Variants in SEMA3D observed in about 807,000 individuals in gnomAD.
The protein encoded by SEMA3D is semaphorin 3D.
SEMA3D carries 84 observed loss-of-function variants against 100.1 expected under a neutral mutation model. That is an observed-to-expected ratio of 0.84 (90% CI 0.70 to 1.01). The LOEUF (loss-of-function observed/expected upper bound fraction) is 1.01, where lower values mean the gene tolerates loss of function less well. Ranked by LOEUF, SEMA3D falls within the 50% of genes least tolerant of loss-of-function variation. SEMA3D has a pLI of 0.00. For missense variants in SEMA3D, 875 were observed against 934.1 expected, an observed-to-expected ratio of 0.94 and a Z score of 0.82; for synonymous variants, 312 against 320.7, an observed-to-expected ratio of 0.97 and a Z score of 0.29.
chr7:85,173,605 T>C (rs1791145251), intron 1 of SEMA3D, among the ~76,000 whole-genome samples: 1 of 152,008 alleles, frequency 6.6e-6, no homozygotes, highest in African/African-American at 2.4e-5. Context: ...ACGAATGGAG[T>C]GGGAATTCGA....
chr7:85,040,010 T>C (rs954668692), intron 11 of SEMA3D, among the ~76,000 whole-genome samples: 3 of 144,042 alleles, frequency 2.1e-5, no homozygotes, highest in East Asian at 4.1e-4. Flanking sequence ...AGGGTCTCGC[T>C]GTGTCACCCA....
At chr7:85,208,753 C>G in the SEMA3D span, among the ~76,000 whole-genome samples, 1 of 151,976 alleles carries the variant, frequency 6.6e-6, no homozygotes, top group African/African-American at 2.4e-5. Flanking sequence ...GTGGCAAAGA[C>G]AGTAGGTAAG....
At chr7:85,198,917 T>A in the SEMA3D span, among the ~76,000 whole-genome samples, 1 of 151,848 alleles carries the variant, frequency 6.6e-6, no homozygotes, top group East Asian at 1.9e-4. Flanking sequence ...TTTATTTGTA[T>A]TACTAAAAAT....
intron 12 of SEMA3D, among the ~76,000 whole-genome samples, chr7:85,027,492 A>T (rs758989022): frequency 2.0e-5 from 3 of 151,922 alleles, no homozygotes; most frequent in Non-Finnish European, 1.5e-5. Flanking sequence ...GCAGAGGGAG[A>T]GATATTTCAT....
chr7:85,088,002 A>T (rs1788276015), intron 4 of SEMA3D, among the ~76,000 whole-genome samples: 1 of 152,150 alleles, frequency 6.6e-6, no homozygotes. Context: ...TTTTTTATGT[A>T]AATATAGTGT....
At chr7:85,205,092 A>G in the SEMA3D span, among the ~76,000 whole-genome samples, 1 of 152,068 alleles carries the variant, frequency 6.6e-6, no homozygotes, top group African/African-American at 2.4e-5. Context: ...TCTTCTTTTG[A>G]GAAATGTCTA....
At chr7:85,182,190 C>G (rs999454372) in intron 1 of SEMA3D, among the ~76,000 whole-genome samples, 67 of 151,874 alleles carry the variant, frequency 4.4e-4, no homozygotes, top group African/African-American at 1.6e-3. Context: ...CCAAAAATTA[C>G]AAACAATTTT....
intron 12 of SEMA3D, chr7:85,028,118 T>C (rs1790442203): frequency 4.7e-6 from 3 of 638,916 alleles, no homozygotes; most frequent in South Asian, 4.5e-5. Flanking sequence ...TGGTAAATGA[T>C]GCTGGCAGGC....
intron 3 of SEMA3D, among the ~76,000 whole-genome samples, chr7:85,099,402 TGCCATGATTGCGAGGCCTCA>T (rs1385840166): frequency 1.3e-5 from 2 of 151,976 alleles, no homozygotes; most frequent in African/African-American, 4.8e-5. Context: ...TTTTGCCCTC[TGCCATGATTGCGAGGCCTCA>T]GCCATGTGGA....
At chr7:85,057,685 C>T (rs945912391) in intron 8 of SEMA3D, among the ~76,000 whole-genome samples, 5 of 152,138 alleles carry the variant, frequency 3.3e-5, no homozygotes, top group African/African-American at 1.2e-4. Flanking sequence ...ATAATCCCAG[C>T]ACTTTGGGAG....
chr7:85,176,815 G>GAA, intron 1 of SEMA3D, among the ~76,000 whole-genome samples: 1 of 151,016 alleles, frequency 6.6e-6, no homozygotes, highest in East Asian at 1.9e-4. Flanking sequence ...GAGAGAGAGA[G>GAA]AATTGACATT....
At chr7:85,200,738 T>TGATA in the SEMA3D span, among the ~76,000 whole-genome samples, 1 of 152,182 alleles carries the variant, frequency 6.6e-6, no homozygotes, top group Non-Finnish European at 1.5e-5. Flanking sequence ...CTCCAGGGCA[T>TGATA]GATAGAGGTC....
At chr7:85,145,796 A>C (rs1489091917) in intron 2 of SEMA3D, among the ~76,000 whole-genome samples, 1 of 152,164 alleles carries the variant, frequency 6.6e-6, no homozygotes, top group South Asian at 2.1e-4. Flanking sequence ...CTTGGATACC[A>C]AAATCTGCTG....
chr7:85,088,263 T>C (rs557485421), intron 4 of SEMA3D, among the ~76,000 whole-genome samples: 1 of 152,282 alleles, frequency 6.6e-6, no homozygotes, highest in East Asian at 1.9e-4. Flanking sequence ...TAAGACTTTA[T>C]AACAACATCC....
the SEMA3D span, among the ~76,000 whole-genome samples, chr7:85,219,488 T>G: frequency 6.6e-6 from 1 of 152,084 alleles, no homozygotes; most frequent in Non-Finnish European, 1.5e-5. Context: ...AATTCTATGG[T>G]TACTCTTTAT....
intron 1 of SEMA3D, among the ~76,000 whole-genome samples, chr7:85,185,374 A>G (rs1166907091): frequency 6.7e-6 from 1 of 149,404 alleles, no homozygotes; most frequent in African/African-American, 2.5e-5. Flanking sequence ...TAGCGCACAC[A>G]TGCAGGAGAA....
At chr7:85,141,369 T>G in intron 2 of SEMA3D, 1 of 984,578 alleles carries the variant, frequency 1.0e-6, no homozygotes, top group Non-Finnish European at 1.2e-6. Flanking sequence ...TATGCCCTAT[T>G]TCTCAGTTTT....
chr7:85,162,718 A>T (rs975966211), intron 1 of SEMA3D, among the ~76,000 whole-genome samples: 2 of 152,132 alleles, frequency 1.3e-5, no homozygotes, highest in African/African-American at 2.4e-5. Context: ...GTGGAAAAAG[A>T]CTGGAAGCTC....
At chr7:85,069,052 A>G (rs1791702175) in intron 6 of SEMA3D, among the ~76,000 whole-genome samples, 1 of 152,188 alleles carries the variant, frequency 6.6e-6, no homozygotes, top group South Asian at 2.1e-4. Context: ...TGAGTGTTTC[A>G]TAACAATGAC....
Sources: gnomAD v4.1 joint callset for allele counts (sites outside exome capture counted in the v4.1 genomes callset) on GRCh38, gnomAD v4.1.1 for gene constraint, MANE v1.5 for transcripts, NCBI Gene and HGNC (gene_info 2026-07-23, HGNC 2026-07-21) for gene names.